Variants in SEH1L observed in about 807,000 individuals in gnomAD.
SEH1L encodes nucleoporin SEH1.
In SEH1L, 18 loss-of-function variants were observed where a neutral mutation model predicts 49.5. That is an observed-to-expected ratio of 0.36 (90% CI 0.25 to 0.54). The LOEUF (loss-of-function observed/expected upper bound fraction) is 0.54. Among genes scored for constraint, SEH1L ranks in the 20% least tolerant of loss-of-function variants. The pLI, the probability that SEH1L is intolerant of heterozygous loss-of-function variation, is 0.87. For missense variants in SEH1L, 404 were observed against 528.8 expected (o/e 0.76, Z 2.31); for synonymous variants, 169 against 178.1 (o/e 0.95, Z 0.41).
At chr18:12,964,632 T>C (rs1162171836) in intron 4 of SEH1L, 4 of 126,984 alleles carry the variant, frequency 3.1e-5, no homozygotes, top group Non-Finnish European at 6.3e-5. Flanking sequence ...TACTCCCGTC[T>C]CTTTTTTTTT....
intron 1 of SEH1L, 98 bp from the exon 2 acceptor site, chr18:12,951,757 T>C (rs2030545558): frequency 1.4e-6 from 1 of 723,734 alleles, no homozygotes; most frequent in South Asian, 1.6e-5. Context: ...GTTAACTATA[T>C]GTTCACCGCT....
At chr18:12,984,875 G>T in intron 8 of SEH1L, 1 of 168,880 alleles carries the variant, frequency 5.9e-6, no homozygotes, top group East Asian at 1.7e-4. Flanking sequence ...CTAATGAATT[G>T]TCCTGTGGTT....
chr18:12,986,283 C>T (rs1415517792), intron 8 of SEH1L: 1 of 985,240 alleles, frequency 1.0e-6, no homozygotes, highest in Non-Finnish European at 1.2e-6. Flanking sequence ...CAGTAGGGCA[C>T]AGTCATTCTG....
intron 4 of SEH1L, among the ~76,000 whole-genome samples, chr18:12,970,048 A>G (rs1789836287): frequency 6.6e-6 from 1 of 152,198 alleles, no homozygotes; most frequent in Admixed American, 6.5e-5. Flanking sequence ...TCTTAATTAG[A>G]TAATTTGATC....
rs571922662 is a variant in SEH1L at position 12,985,633 on chromosome 18, A to C, written c.1071-1229A>C. On this transcript the variant is annotated intron_variant, in intron 8 of 8. Coordinates refer to ENST00000399892, the MANE Select transcript of SEH1L (RefSeq NM_001013437.2). The stretch of plus-strand genomic sequence containing the variant: ...TTTAGTTCATTTGGAAAATATAGAC[A>C]TATTTCTTTTGCTTTCTTAAAACAG... The C allele has an allele frequency of 5.0e-6, 5 of 1,000,762 alleles. No individual in the cohort carries two copies. The South Asian group carries it at 2.3e-4, about 47-fold the overall frequency. 62.0% of individuals were successfully genotyped at this position (1,000,762 alleles called of 1,614,324 possible).
intron 3 of SEH1L, among the ~76,000 whole-genome samples, chr18:12,956,080 T>C (rs2030838045): frequency 1.3e-5 from 2 of 151,232 alleles, no homozygotes; most frequent in Non-Finnish European, 2.9e-5. Flanking sequence ...AGTCTCACTG[T>C]GTCACCCAGG....
rs561731715 is a variant in SEH1L, at chr18:12,953,577, T to C, written c.162+1672T>C. On this transcript the variant is annotated intron_variant, in intron 2 of 8. Coordinates refer to ENST00000399892, the MANE Select transcript of SEH1L (RefSeq NM_001013437.2). ...TCATTGGATTTTGATTTGTATTTCC[T>C]TAATACCTCATGTTGATTATTTTTT... Among the ~76,000 whole-genome samples, 19 of 152,372 alleles carry C rather than the reference T, an allele frequency of 1.2e-4. 1 individual carries two copies. The South Asian group carries it at 3.9e-3, about 32-fold the overall frequency.
intron 6 of SEH1L, among the ~76,000 whole-genome samples, chr18:12,979,898 A>T (rs1598976241): frequency 8.4e-6 from 1 of 118,966 alleles, no homozygotes; most frequent in African/African-American, 3.3e-5. Flanking sequence ...TCCTTCGCGG[A>T]CGGGGCGGCT....
intron 3 of SEH1L, among the ~76,000 whole-genome samples, chr18:12,955,959 A>T (rs2030826400): frequency 6.6e-6 from 1 of 151,300 alleles, no homozygotes; most frequent in Non-Finnish European, 1.5e-5. Flanking sequence ...CAGCCTCCTG[A>T]GTTGCTGAGA....
intron 7 of SEH1L, among the ~76,000 whole-genome samples, chr18:12,983,454 C>T (rs1039821818): frequency 1.6e-4 from 24 of 152,164 alleles, no homozygotes; most frequent in African/African-American, 5.3e-4. Context: ...CCTTTTCTGC[C>T]TTTAGGCTTT....
intron 2 of SEH1L, among the ~76,000 whole-genome samples, chr18:12,954,782 A>C (rs2145609383): frequency 6.6e-6 from 1 of 152,338 alleles, no homozygotes; most frequent in Middle Eastern, 3.4e-3. Flanking sequence ...CAAATGAAAA[A>C]AAAGTATTTT....
chr18:12,986,746 C>G (rs2032473325), intron 8 of SEH1L, 116 bp from the exon 9 acceptor site: 5 of 1,181,210 alleles, frequency 4.2e-6, no homozygotes, highest in Non-Finnish European at 5.3e-6. Flanking sequence ...TTTTTTCTAG[C>G]ATGTGTTTTC....
chr18:12,963,746 T>C (rs1479894795), intron 4 of SEH1L, among the ~76,000 whole-genome samples: 1 of 152,240 alleles, frequency 6.6e-6, no homozygotes, highest in East Asian at 1.9e-4. Flanking sequence ...AGAGTATTGC[T>C]CATTTGCCCA....
intron 8 of SEH1L, chr18:12,986,025 C>A: frequency 1.1e-6 from 1 of 946,896 alleles, no homozygotes; most frequent in Non-Finnish European, 1.3e-6. Context: ...TTATTTATTC[C>A]ATGGCTTAGC....
intron 4 of SEH1L, among the ~76,000 whole-genome samples, chr18:12,966,122 T>C (rs900704707): frequency 4.0e-5 from 6 of 150,896 alleles, no homozygotes; most frequent in African/African-American, 1.5e-4. Context: ...AGACAGAGTC[T>C]TGCTCTGTCA....
At chr18:12,948,780 T>G (rs2030289644) in intron 1 of SEH1L, 1 of 152,248 alleles carries the variant, frequency 6.6e-6, no homozygotes, top group Non-Finnish European at 1.5e-5. Context: ...TGCCCAGGAA[T>G]CGGAGGGTTT....
At chr18:12,950,667 T>C (rs1400915695) in intron 1 of SEH1L, among the ~76,000 whole-genome samples, 4 of 152,216 alleles carry the variant, frequency 2.6e-5, no homozygotes, top group Non-Finnish European at 5.9e-5. Flanking sequence ...TAAACACTAT[T>C]GAAGAGAATT....
intron 1 of SEH1L, among the ~76,000 whole-genome samples, chr18:12,948,988 T>G (rs995864669): frequency 6.6e-6 from 1 of 151,672 alleles, no homozygotes; most frequent in Non-Finnish European, 1.5e-5. Flanking sequence ...TAGCAGGGAT[T>G]ACAGGTGCAC....
At chr18:12,977,248 C>T (rs141736699) in intron 5 of SEH1L, 18 of 152,298 alleles carry the variant, frequency 1.2e-4, no homozygotes, top group African/African-American at 4.3e-4. Flanking sequence ...TGTCTCCACC[C>T]AGTCTCCTAC....
Sources: allele counts gnomAD v4.1 joint callset (sites outside exome capture counted in the v4.1 genomes callset), GRCh38; gene constraint gnomAD v4.1.1; transcripts MANE v1.5; gene names NCBI Gene and HGNC (gene_info 2026-07-23, HGNC 2026-07-21).